Variants in POLG2 observed in about 807,000 individuals in gnomAD.
POLG2 encodes the protein DNA polymerase subunit gamma-2.
A neutral mutation model predicts 56.5 loss-of-function variants in POLG2; 50 were observed. The ratio of observed to expected loss-of-function variants is 0.88; its 90% CI spans 0.71 to 1.12. The LOEUF is 1.12. POLG2 is among the 50% of genes most tolerant of loss of function. POLG2 has a pLI of 0.00. For synonymous variants in POLG2, 226 were observed against 222.6 expected (o/e 1.02, Z -0.14); for missense variants, 584 against 583.3 (o/e 1.00, Z -0.01).
chr17:64,495,147 C>A lies in POLG2; in HGVS notation c.562+1260G>T, dbSNP rs747417449. Among the ~76,000 whole-genome samples the A allele has an allele frequency of 4.8e-4, 62 of 127,902 alleles. 1 individual carries two copies. The highest frequency in any genetic ancestry group is 7.8e-4 in the Non-Finnish European group (51 of 65,538). 83.9% of individuals were successfully genotyped at this position (127,902 alleles called of 152,430 possible). ...GAGCCGAGATTGTGCCACTGCACTCCAGCCTGGGCGGCAGAGCGAGACTCT... is the reference window on the plus strand; with the variant it reads ...GAGCCGAGATTGTGCCACTGCACTCAAGCCTGGGCGGCAGAGCGAGACTCT... On this transcript the variant is annotated intron_variant, in intron 1 of 7. Transcript: ENST00000539111.
chr17:64,492,622 C>G, intron 3 of POLG2, 45 bp downstream of exon 3: 1 of 1,120,080 alleles, frequency 8.9e-7, no homozygotes, highest in East Asian at 2.4e-5. Flanking sequence ...CACATTAAGA[C>G]AATTTATGTA....
rs1347420106 is a variant in POLG2, at chr17:64,496,663, C to CA, written c.305dup (p.Leu102PhefsTer63). Reference sequence around the variant, plus strand: ...CCAGGTTCTTCCGCAACTCTACGCCCAAGGGTCCGAAGCCGGGGTGGCACC... The same window carrying CA: ...CCAGGTTCTTCCGCAACTCTACGCCCAAAGGGTCCGAAGCCGGGGTGGCACC... On this transcript the variant is annotated frameshift_variant, in exon 1 of 8. Coordinates refer to ENST00000539111, the MANE Select transcript of POLG2 (RefSeq NM_007215.4). LOFTEE classifies it high-confidence loss of function. 1 of 1,613,992 alleles carries CA rather than the reference C, an allele frequency of 6.2e-7. No homozygotes were observed.
Position 64,485,817 on chromosome 17 carries a change from C to A in POLG2, c.1021G>T (p.Asp341Tyr), listed in dbSNP as rs1555667360. The change falls in exon 5 of 8, where the codon GAC (aspartate) becomes TAC (tyrosine). Residue 341 changes from aspartate (D) to tyrosine (Y), a missense_variant. Physicochemically the swap from Asp to Tyr is radical, Grantham distance 160. Coordinates refer to ENST00000539111, the MANE Select transcript of POLG2 (RefSeq NM_007215.4). ...VVPCVLSVNG[D>Y]LDRGMLAYLY... ...TAGGCCAGCATGCCTCGGTCTAGGT[C>A]CCCATTTACAGAGAGAACACAAGGA... The A allele has an allele frequency of 2.5e-6, 4 of 1,613,202 alleles. No homozygotes were observed. The highest frequency in any genetic ancestry group is 3.4e-6 in the Non-Finnish European group (4 of 1,179,122).
chr17:64,493,705 C>T (rs782012172), intron 1 of POLG2, among the ~76,000 whole-genome samples: 27 of 152,114 alleles, frequency 1.8e-4, no homozygotes, highest in Non-Finnish European at 1.3e-4. Flanking sequence ...CCAGGTTGGT[C>T]TCGATCTCCT....
In POLG2 at chr17:64,490,838, G is replaced by A. The variant is rs73332195; in HGVS notation, c.927C>T (p.His309=). The A allele has an allele frequency of 3.8e-4, 617 of 1,613,394 alleles. 2 individuals are homozygous for A. In the African/African-American group the frequency reaches 7.0e-3, roughly 18 times the overall value. The change falls in exon 4 of 8, where the codon CAC becomes CAT. Residue 309 remains histidine, a synonymous_variant. Coordinates refer to ENST00000539111, the MANE Select transcript of POLG2 (RefSeq NM_007215.4). ...LIETLWNLGD[H]ELLHMYPGNV... ...TGCCAGGATACATGTGTAAAAGTTC[G>A]TGATCTCCTAGGTTCCACAGGGTTT... is the stretch of plus-strand genomic sequence containing the variant.
chr17:64,486,446 C>G (rs1459412856), intron 4 of POLG2, among the ~76,000 whole-genome samples: 1 of 151,780 alleles, frequency 6.6e-6, no homozygotes, highest in Non-Finnish European at 1.5e-5. Flanking sequence ...TTGCCAACCT[C>G]TGCCACCCGG....
chr17:64,491,467 G>C (rs2038056760), intron 3 of POLG2: 6 of 1,070,498 alleles, frequency 5.6e-6, no homozygotes, highest in Non-Finnish European at 8.4e-6. Context: ...CTGTGATTGT[G>C]CAACGGCAGT....
intron 1 of POLG2, among the ~76,000 whole-genome samples, chr17:64,493,387 A>C (rs571741218): frequency 3.9e-5 from 6 of 152,162 alleles, no homozygotes; most frequent in Non-Finnish European, 8.8e-5. Context: ...ACTGTGCTCC[A>C]GCCTGGGCAA....
Position 64,492,747 on chromosome 17 carries a change from A to G in POLG2, c.715T>C (p.Leu239=), listed in dbSNP as rs1372110912. 5.0e-6 allele frequency: 8 copies of G among 1,612,874 alleles called. No homozygotes were observed. In the African/African-American group the frequency reaches 1.1e-4, roughly 22 times the overall value. ...KSIGEKTEAS[L]VWFTPPRTSN... is the part of the protein sequence containing the mutation. ...GTTCTCGGAGGAGTAAACCATACTA[A>G]CGAAGCTTCAGTCTTCTCACCAATA... Residue 239 remains leucine (L), a synonymous_variant, in exon 3 of 8, where the codon TTA becomes CTA. Coordinates refer to ENST00000539111, the MANE Select transcript of POLG2 (RefSeq NM_007215.4).
rs782034872 is a variant in POLG2 at position 64,496,611 on chromosome 17, C to A, written c.358G>T (p.Val120Leu). ...ACCGGGAATACCTGCTCCCTGAACA[C>A]CACCACCGAGGTCCACCATTCTGCG... ...LAAEWWTSVV[V>L]FREQVFPVDA... Residue 120 changes from valine to leucine, a missense_variant, in exon 1 of 8, where the codon GTG becomes TTG. Transcript: ENST00000539111. The A allele has an allele frequency of 7.4e-6, 12 of 1,614,016 alleles. No individual in the cohort carries two copies. Among genetic ancestry groups the A allele is most frequent in the Non-Finnish European group, 1.0e-5 (12 of 1,179,926 alleles).
chr17:64,479,189 T>G (rs2037816985), intron 7 of POLG2, among the ~76,000 whole-genome samples: 1 of 150,698 alleles, frequency 6.6e-6, no homozygotes, highest in South Asian at 2.1e-4. Flanking sequence ...AGGTGTTTTT[T>G]TTTTTTTTTT....
chr17:64,491,794 G>T, intron 3 of POLG2: 1 of 559,134 alleles, frequency 1.8e-6, no homozygotes. Flanking sequence ...CACTGAAGAA[G>T]ACATGCTCTG....
chr17:64,477,899 G>C lies in POLG2; in HGVS notation c.1382C>G (p.Thr461Arg). The change falls in exon 8 of 8, where the codon ACA becomes AGA. Residue 461 changes from threonine (T) to arginine (R), a missense_variant. Transcript: ENST00000539111. Reference protein sequence around the residue: ...GLIHLRSRDTTMKEMMHISKL... With the variant: ...GLIHLRSRDTRMKEMMHISKL... ...GGATATATGCATCATTTCCTTCATT[G>C]TGGTGTCTCTGCTTCTCAGATGTAT... is the stretch of plus-strand genomic sequence containing the variant. The C allele has an allele frequency of 6.2e-7, 1 of 1,613,634 alleles. No individual in the cohort carries two copies. The highest frequency in any genetic ancestry group is 2.2e-5 in the East Asian group (1 of 44,832).
intron 5 of POLG2, chr17:64,485,418 CT>C (rs1442463358): frequency 5.5e-6 from 2 of 362,714 alleles, no homozygotes; most frequent in Non-Finnish European, 1.0e-5. Context: ...TGTACCAATG[CT>C]TCAGCTTCTG....
intron 5 of POLG2, among the ~76,000 whole-genome samples, chr17:64,483,676 T>A (rs1421583336): frequency 4.6e-5 from 7 of 151,988 alleles, no homozygotes; most frequent in Admixed American, 2.0e-4. Flanking sequence ...TCTTCTCTTT[T>A]TATATATATT....
chr17:64,493,082 C>T (rs1159650147), intron 1 of POLG2, 61 bp from the exon 2 acceptor site: 13 of 1,533,002 alleles, frequency 8.5e-6, no homozygotes, highest in Admixed American at 8.3e-5. Flanking sequence ...TCATTTTTGT[C>T]AATAGACACA....
In POLG2 at chr17:64,492,682, G is replaced by A; in HGVS notation, c.780C>T (p.Leu260=). 3 of 1,604,350 alleles carry A rather than the reference G, an allele frequency of 1.9e-6. No homozygotes were observed. The highest frequency in any genetic ancestry group is 1.3e-5 in the African/African-American group (1 of 74,746). ...ATTGCAGTACCTTTCTCCACCACTG[G>A]AGTCGATGACGTAACCAGAAATCAA... is the stretch of plus-strand genomic sequence containing the variant. ...QWLDFWLRHR[L]QWWRKFAMSP... is the part of the protein sequence containing the mutation. Residue 260 remains leucine (L), a synonymous_variant, in exon 3 of 8, where the codon CTC becomes CTT. Transcript: ENST00000539111.
rs782648209 is a variant in POLG2, at chr17:64,483,721, CT to C, written c.1111-723del. Reference sequence around the variant, plus strand: ...GAAAAAAATTTTTAAATGAAATTTGCTTTTTTTTTTTTTTTAAAGGGTCTGG... The same window carrying C: ...GAAAAAAATTTTTAAATGAAATTTGCTTTTTTTTTTTTTTAAAGGGTCTGG... On this transcript the variant is annotated intron_variant, in intron 5 of 7. Transcript: ENST00000539111. Among the ~76,000 whole-genome samples the C allele has an allele frequency of 5.9e-3, 809 of 137,056 alleles. 3 individuals are homozygous for C. Among genetic ancestry groups the C allele is most frequent in the Non-Finnish European group, 5.0e-3 (316 of 62,696 alleles). 89.9% of individuals were successfully genotyped at this position (137,056 alleles called of 152,430 possible).
At chr17:64,490,312 C>T (rs1488425744) in intron 4 of POLG2, among the ~76,000 whole-genome samples, 3 of 152,132 alleles carry the variant, frequency 2.0e-5, no homozygotes, top group Non-Finnish European at 4.4e-5. Context: ...GTTAACATCA[C>T]CAGTAACACT....
Sources: gnomAD v4.1 joint callset for allele counts (sites outside exome capture counted in the v4.1 genomes callset) on GRCh38, gnomAD v4.1.1 for gene constraint, MANE v1.5 for transcripts, NCBI Gene and HGNC (gene_info 2026-07-23, HGNC 2026-07-21) for gene names.